The following ZNF148 variants were observed in gnomAD, a reference collection of about 807,000 sequenced individuals.
ZNF148 encodes the protein zinc finger protein 148.
A neutral mutation model predicts 67.7 loss-of-function variants in ZNF148; 7 were observed. That is an observed-to-expected ratio of 0.10 (90% CI 0.06 to 0.19). The LOEUF is 0.19. Among genes scored for constraint, ZNF148 ranks in the 10% least tolerant of loss-of-function variants. ZNF148 has a pLI of 1.00. For synonymous variants in ZNF148, 333 were observed against 330.7 expected, an observed-to-expected ratio of 1.01 and a Z score of -0.08; for missense variants, 583 against 947.1, an observed-to-expected ratio of 0.62 and a Z score of 5.05.
rs551511380 is a variant in ZNF148 at position 125,343,005 on chromosome 3, G to T, written c.-233-11767C>A. Among the ~76,000 whole-genome samples, 7 of 152,236 alleles carry T rather than the reference G, an allele frequency of 4.6e-5. No individual in the cohort carries two copies. In the South Asian group the frequency reaches 1.5e-3, roughly 32 times the overall value. On this transcript the variant is annotated intron_variant, in intron 1 of 8. Coordinates refer to ENST00000360647, the MANE Select transcript of ZNF148 (RefSeq NM_021964.3). ...AGTCAAGATGGAATCCTAAATAAAG[G>T]TTCTAGTAATCTGCAAGGAGACAGG...
intron 1 of ZNF148, among the ~76,000 whole-genome samples, chr3:125,371,962 G>A (rs1021357118): frequency 1.3e-5 from 2 of 151,618 alleles, no homozygotes; most frequent in African/African-American, 2.4e-5. Context: ...TACTCGGGAG[G>A]CTGAGGCAGG....
rs114963336 is a variant in ZNF148, at chr3:125,359,546, T to C, written c.-234+15556A>G. On this transcript the variant is annotated intron_variant, in intron 1 of 8. Coordinates refer to ENST00000360647, the MANE Select transcript of ZNF148 (RefSeq NM_021964.3). ...AGTAAAGAGTCCACTTTAGTTCCCT[T>C]AGGACATCTCATTCTTACCATGTGC... Among the ~76,000 whole-genome samples, 736 of 152,322 alleles carry C rather than the reference T, an allele frequency of 4.8e-3. 6 individuals carry two copies. Among genetic ancestry groups the C allele is most frequent in the African/African-American group, 0.017 (703 of 41,576 alleles).
At chr3:125,280,929 T>C (rs1484244694) in intron 5 of ZNF148, among the ~76,000 whole-genome samples, 1 of 151,792 alleles carries the variant, frequency 6.6e-6, no homozygotes, top group Non-Finnish European at 1.5e-5. Context: ...GAAATAAATA[T>C]AAAGAACTGT....
At chr3:125,279,071 T>G (rs1938228421) in intron 6 of ZNF148, 53 bp downstream of exon 6, 1 of 1,507,130 alleles carries the variant, frequency 6.6e-7, no homozygotes, top group Admixed American at 2.0e-5. Flanking sequence ...AAGATGAAAA[T>G]AACAAAGATA....
intron 1 of ZNF148, among the ~76,000 whole-genome samples, chr3:125,355,919 A>C (rs1376165631): frequency 1.3e-5 from 2 of 152,222 alleles, no homozygotes; most frequent in African/African-American, 2.4e-5. Context: ...AAGAGGTCCA[A>C]ACGTTTTCAA....
chr3:125,303,239 A>C (rs1449256140), intron 4 of ZNF148, among the ~76,000 whole-genome samples: 1 of 152,194 alleles, frequency 6.6e-6, no homozygotes, highest in Non-Finnish European at 1.5e-5. Context: ...GTGTGACTAT[A>C]GGGGGTAGCA....
chr3:125,272,750 A>T (rs1937824075), intron 7 of ZNF148, among the ~76,000 whole-genome samples: 1 of 152,186 alleles, frequency 6.6e-6, no homozygotes, highest in African/African-American at 2.4e-5. Context: ...TGTTTTATGT[A>T]TAACCAATCT....
rs1297129291 is a variant in ZNF148 at position 125,371,381 on chromosome 3, G to T, written c.-234+3721C>A. Among the ~76,000 whole-genome samples the T allele has an allele frequency of 3.7e-5, 5 of 136,964 alleles. No homozygotes were observed. In the South Asian group the frequency reaches 9.8e-4, roughly 27 times the overall value. 89.9% of individuals were successfully genotyped at this position (136,964 alleles called of 152,430 possible). On this transcript the variant is annotated intron_variant, in intron 1 of 8. Transcript: ENST00000360647. ...CAAAAAAAAAAAAAAAAGGGGGGGG[G>T]GGGGGCAGGGCGAAGTGGCTCACGC...
At chr3:125,258,897 T>C (rs1360011060) in intron 7 of ZNF148, among the ~76,000 whole-genome samples, 3 of 152,156 alleles carry the variant, frequency 2.0e-5, no homozygotes, top group African/African-American at 4.8e-5. Flanking sequence ...CTAACTGATA[T>C]GCCAAATTTT....
At chr3:125,290,713 A>T (rs1243746376) in intron 4 of ZNF148, among the ~76,000 whole-genome samples, 1 of 152,164 alleles carries the variant, frequency 6.6e-6, no homozygotes, top group African/African-American at 2.4e-5. Context: ...TCTAAATATC[A>T]GATTTCCTTT....
At chr3:125,346,546 T>C (rs1941951047) in intron 1 of ZNF148, among the ~76,000 whole-genome samples, 1 of 152,150 alleles carries the variant, frequency 6.6e-6, no homozygotes, top group Non-Finnish European at 1.5e-5. Flanking sequence ...CAGGGACCTG[T>C]AATCCCCACA....
At chr3:125,250,400 G>C (rs1460565871) in intron 7 of ZNF148, among the ~76,000 whole-genome samples, 1 of 152,190 alleles carries the variant, frequency 6.6e-6, no homozygotes, top group Admixed American at 6.5e-5. Context: ...CTGGCTGGCT[G>C]CCTTTCATCT....
chr3:125,334,972 G>A (rs1280018344), intron 1 of ZNF148, among the ~76,000 whole-genome samples: 1 of 152,128 alleles, frequency 6.6e-6, no homozygotes, highest in African/African-American at 2.4e-5. Context: ...AGAGATCCTC[G>A]TAACTAAATC....
At chr3:125,326,558 AAACAAAGG>A (rs1261151343) in intron 2 of ZNF148, among the ~76,000 whole-genome samples, 2 of 151,172 alleles carry the variant, frequency 1.3e-5, no homozygotes, top group African/African-American at 4.8e-5. Context: ...GCAATAGAGG[AAACAAAGG>A]AACAAAAACA....
intron 5 of ZNF148, among the ~76,000 whole-genome samples, chr3:125,282,084 G>C (rs1378068850): frequency 6.6e-6 from 1 of 152,006 alleles, no homozygotes; most frequent in Non-Finnish European, 1.5e-5. Context: ...TAAATTTGTT[G>C]CTAAAAGCAA....
chr3:125,235,545 G>A (rs910295394), intron 7 of ZNF148, among the ~76,000 whole-genome samples: 1 of 152,034 alleles, frequency 6.6e-6, no homozygotes, highest in African/African-American at 2.4e-5. Context: ...CAGGTGAAAG[G>A]TATCTTTAAG....
chr3:125,275,571 C>T (rs1938010797), intron 7 of ZNF148, among the ~76,000 whole-genome samples: 1 of 152,176 alleles, frequency 6.6e-6, no homozygotes, highest in Non-Finnish European at 1.5e-5. Context: ...CTTACTACCT[C>T]CTCATCTATA....
rs1457466408 is a variant in ZNF148 at position 125,229,699 on chromosome 3, T to A, written c.*2642A>T. 6.6e-6 allele frequency: 1 copy of A among 152,116 alleles called. No homozygotes were observed. The highest frequency in any genetic ancestry group is 2.4e-5 in the African/African-American group (1 of 41,418). The allele number at this position is 152,116 out of a possible 1,614,324, so 9.4% of individuals were successfully genotyped here. ...TGCTCACTTTGAGAAATGAGAAACA[T>A]GAATTGCAGAAGAATATCTCATATC... On this transcript the variant is annotated 3_prime_UTR_variant, in exon 9 of 9. Transcript: ENST00000360647.
intron 7 of ZNF148, among the ~76,000 whole-genome samples, chr3:125,270,164 C>A (rs956895085): frequency 1.3e-5 from 2 of 151,996 alleles, no homozygotes; most frequent in African/African-American, 2.4e-5. Context: ...CGTCAATTCA[C>A]TCCTAGGTAA....
Sources: allele counts gnomAD v4.1 joint callset (sites outside exome capture counted in the v4.1 genomes callset), GRCh38; gene constraint gnomAD v4.1.1; transcripts MANE v1.5; gene names NCBI Gene and HGNC (gene_info 2026-07-23, HGNC 2026-07-21).